Variants in TRAPPC9 observed in about 807,000 individuals in gnomAD.
TRAPPC9 encodes the protein IKK2 binding protein.
TRAPPC9 carries 83 observed loss-of-function variants against 124.0 expected under a neutral mutation model. The observed-to-expected ratio is 0.67, with a 90% CI of 0.56 to 0.80. TRAPPC9 has a LOEUF of 0.80. TRAPPC9 is among the 30% of genes least tolerant of loss of function. TRAPPC9 has a pLI of 0.00. For missense variants in TRAPPC9, 1,302 were observed against 1,508.3 expected (o/e 0.86, Z 2.27); for synonymous variants, 638 against 617.5 (o/e 1.03, Z -0.49).
At chr8:140,022,060 G>A (rs1839862797) in intron 18 of TRAPPC9, among the ~76,000 whole-genome samples, 1 of 152,232 alleles carries the variant, frequency 6.6e-6, no homozygotes, top group Admixed American at 6.5e-5. Flanking sequence ...CACCATGGAT[G>A]TCATAGGAGG....
intron 17 of TRAPPC9, among the ~76,000 whole-genome samples, chr8:140,203,535 T>C (rs1449616394): frequency 6.6e-6 from 1 of 152,220 alleles, no homozygotes; most frequent in African/African-American, 2.4e-5. Context: ...TGTGAGGGCT[T>C]GTCATTCATA....
intron 7 of TRAPPC9, among the ~76,000 whole-genome samples, chr8:140,383,238 T>C (rs908479876): frequency 1.3e-5 from 2 of 151,732 alleles, no homozygotes; most frequent in African/African-American, 4.8e-5. Flanking sequence ...AAACTGAAAA[T>C]TCTAAAAATC....
At chr8:140,170,849 G>A (rs905087675) in intron 17 of TRAPPC9, among the ~76,000 whole-genome samples, 5 of 152,224 alleles carry the variant, frequency 3.3e-5, no homozygotes, top group Non-Finnish European at 7.3e-5. Flanking sequence ...CTCACAGGTA[G>A]ATCTCAGACT....
At chr8:139,758,813 T>C (rs1239428122) in intron 21 of TRAPPC9, among the ~76,000 whole-genome samples, 1 of 152,114 alleles carries the variant, frequency 6.6e-6, no homozygotes, top group Non-Finnish European at 1.5e-5. Flanking sequence ...ATCAGCCAAG[T>C]AAGTTATGGG....
intron 15 of TRAPPC9, 32 bp downstream of exon 15, chr8:140,275,626 T>C (rs781068505): frequency 5.6e-6 from 9 of 1,609,420 alleles, no homozygotes; most frequent in Admixed American, 1.7e-5. Context: ...AATACAAACA[T>C]TCCCAGGGTC....
rs7007771 is a variant in TRAPPC9 at position 140,353,367 on chromosome 8, C to A, written c.1495+6683G>T. 0.7 allele frequency among the ~76,000 whole-genome samples: 105,804 copies of A among 151,354 alleles called. 37,741 individuals carry two copies. The highest frequency in any genetic ancestry group is 0.83 in the African/African-American group (34,340 of 41,186). ...CTTTTCACAGTAGCATTAATATGAC[C>A]TATTTATAGTATGCATTTTTTCCCC... On this transcript the variant is annotated intron_variant, in intron 9 of 22. Coordinates refer to ENST00000438773, the MANE Select transcript of TRAPPC9 (RefSeq NM_001160372.4). The surrounding 1 kb of genome is among the most constrained non-coding windows in gnomAD (Gnocchi z 4.2).
chr8:140,225,304 C>T (rs2063421963), intron 16 of TRAPPC9, among the ~76,000 whole-genome samples: 1 of 152,114 alleles, frequency 6.6e-6, no homozygotes, highest in Non-Finnish European at 1.5e-5. Context: ...GAATAAATTA[C>T]AGGGTCAAAT....
intron 17 of TRAPPC9, among the ~76,000 whole-genome samples, chr8:140,092,537 C>A (rs532854172): frequency 6.6e-6 from 1 of 152,088 alleles, no homozygotes; most frequent in African/African-American, 2.4e-5. Context: ...ATTTTGTTTT[C>A]CAAGTGAGAA....
intron 19 of TRAPPC9, among the ~76,000 whole-genome samples, chr8:139,911,540 A>T (rs1670820548): frequency 6.6e-6 from 1 of 152,004 alleles, no homozygotes; most frequent in Non-Finnish European, 1.5e-5. Flanking sequence ...CCCTATCTCT[A>T]CCAAAAATAC....
At chr8:139,997,967 C>G (rs781449127) in intron 18 of TRAPPC9, among the ~76,000 whole-genome samples, 8 of 146,544 alleles carry the variant, frequency 5.5e-5, no homozygotes, top group Non-Finnish European at 1.0e-4. Flanking sequence ...ATGCATCCTA[C>G]ACAGGGGAGA....
At chr8:140,122,635 G>GTA (rs1164788939) in intron 17 of TRAPPC9, among the ~76,000 whole-genome samples, 5 of 152,190 alleles carry the variant, frequency 3.3e-5, no homozygotes, top group African/African-American at 1.2e-4. Flanking sequence ...TTTTTTAAGT[G>GTA]TATATCTAAG....
At chr8:140,229,251 CTTTTTTTTTTTT>C (rs528175891) in intron 16 of TRAPPC9, among the ~76,000 whole-genome samples, 5 of 99,834 alleles carry the variant, frequency 5.0e-5, no homozygotes, top group South Asian at 3.2e-4. Context: ...TTTTCTTTTT[CTTTTTTTTTTTT>C]TTTTTTTTTT....
chr8:140,002,794 A>G (rs1838484306), intron 18 of TRAPPC9, among the ~76,000 whole-genome samples: 1 of 150,694 alleles, frequency 6.6e-6, no homozygotes, highest in Admixed American at 6.6e-5. Context: ...TCAACGGAGA[A>G]GAGATAATCC....
At chr8:140,139,216 C>T (rs1309613557) in intron 17 of TRAPPC9, among the ~76,000 whole-genome samples, 1 of 152,144 alleles carries the variant, frequency 6.6e-6, no homozygotes, top group Non-Finnish European at 1.5e-5. Context: ...ACTCCTGTTC[C>T]CACTGCCGGG....
intron 20 of TRAPPC9, among the ~76,000 whole-genome samples, chr8:139,903,846 G>C (rs756263726): frequency 1.3e-5 from 2 of 152,142 alleles, no homozygotes; most frequent in African/African-American, 2.4e-5. Flanking sequence ...TTCGAGACCA[G>C]CCTGGCCAAA....
At chr8:139,940,334 T>G (rs1165361079) in intron 19 of TRAPPC9, among the ~76,000 whole-genome samples, 1 of 152,256 alleles carries the variant, frequency 6.6e-6, no homozygotes, top group Non-Finnish European at 1.5e-5. Flanking sequence ...TACTGAAGTT[T>G]GTGTTAATTG....
At chr8:140,300,768 G>A (rs578260607) in intron 10 of TRAPPC9, among the ~76,000 whole-genome samples, 154 bp from the exon 11 acceptor site, 1 of 152,358 alleles carries the variant, frequency 6.6e-6, no homozygotes, top group South Asian at 2.1e-4. Flanking sequence ...TCAGGACACA[G>A]CAAGGAAGTG....
chr8:140,335,768 G>A (rs979099510), intron 9 of TRAPPC9, among the ~76,000 whole-genome samples: 33 of 146,450 alleles, frequency 2.3e-4, no homozygotes, highest in African/African-American at 7.9e-4. Context: ...GTGCAGTGGC[G>A]TGATCCCAGC....
intron 21 of TRAPPC9, among the ~76,000 whole-genome samples, chr8:139,880,615 A>C (rs1829622127): frequency 6.6e-6 from 1 of 152,240 alleles, no homozygotes; most frequent in South Asian, 2.1e-4. Flanking sequence ...CCCACGTCAC[A>C]ATCGAGAGTC....
Sources: gnomAD v4.1 joint callset for allele counts (sites outside exome capture counted in the v4.1 genomes callset) on GRCh38, gnomAD v4.1.1 for gene constraint, Gnocchi (gnomAD v3.1) non-coding constraint, MANE v1.5 for transcripts, NCBI Gene and HGNC (gene_info 2026-07-23, HGNC 2026-07-21) for gene names.